Variants in PRELID2 observed in about 807,000 individuals in gnomAD.
The protein encoded by PRELID2 is PRELI domain containing 2, also known as PRELI domain-containing protein 2.
A neutral mutation model predicts 28.4 loss-of-function variants in PRELID2; 25 were observed. The observed-to-expected ratio is 0.88, with a 90% CI of 0.64 to 1.23. The LOEUF (loss-of-function observed/expected upper bound fraction) is 1.23, where lower values mean the gene tolerates loss of function less well. PRELID2 is among the 50% of genes most tolerant of loss of function. The pLI is 0.00. For synonymous variants in PRELID2, 76 were observed against 71.6 expected, an observed-to-expected ratio of 1.06 and a Z score of -0.31; for missense variants, 201 against 214.4, an observed-to-expected ratio of 0.94 and a Z score of 0.39.
chr5:145,783,850 TGGAA>T lies in PRELID2; in HGVS notation c.474+12588_474+12591del, dbSNP rs201580589. ...GGTTTTATGCTCTTTTCCTCTGTCT[TGGAA>T]TTACTGAATTTTGAAATATCCACTG... On this transcript the variant is annotated intron_variant, in intron 5 of 6. Transcript: ENST00000683046. 6.9e-3 allele frequency among the ~76,000 whole-genome samples: 1,050 copies of T among 152,364 alleles called. 9 individuals are homozygous for T. The highest frequency in any genetic ancestry group is 0.015 in the Admixed American group (225 of 15,302).
the PRELID2 span, among the ~76,000 whole-genome samples, chr5:145,399,298 C>A: frequency 6.6e-6 from 1 of 152,058 alleles, no homozygotes; most frequent in African/African-American, 2.4e-5. Flanking sequence ...ATCAAAGCCA[C>A]TCCTGGTTAA....
intron 1 of PRELID2, among the ~76,000 whole-genome samples, chr5:145,725,380 T>C (rs1177364243): frequency 1.3e-5 from 2 of 152,184 alleles, no homozygotes; most frequent in African/African-American, 4.8e-5. Context: ...CTTTAAGCAT[T>C]GCTAACAGGT....
At chr5:145,342,976 T>C in the PRELID2 span, among the ~76,000 whole-genome samples, 2 of 151,522 alleles carry the variant, frequency 1.3e-5, no homozygotes, top group East Asian at 1.9e-4. Context: ...TAAAACAATT[T>C]TTAATATACA....
At chr5:145,830,810 G>C (rs1455979286) in intron 1 of PRELID2, among the ~76,000 whole-genome samples, 1 of 152,138 alleles carries the variant, frequency 6.6e-6, no homozygotes, top group Non-Finnish European at 1.5e-5. Flanking sequence ...CTAATATTTT[G>C]CCTGTGGTAT....
At chr5:145,532,044 G>A (rs1752658509) in intron 1 of PRELID2, among the ~76,000 whole-genome samples, 2 of 152,082 alleles carry the variant, frequency 1.3e-5, no homozygotes, top group Non-Finnish European at 2.9e-5. Context: ...ATAATGTCTG[G>A]CTTGTAGTAA....
the PRELID2 span, among the ~76,000 whole-genome samples, chr5:145,231,718 C>G: frequency 6.6e-6 from 1 of 152,038 alleles, no homozygotes; most frequent in Admixed American, 6.6e-5. Flanking sequence ...CTCTGCTAAG[C>G]TGAAATCAGT....
chr5:145,242,972 T>G, the PRELID2 span, among the ~76,000 whole-genome samples: 1 of 152,164 alleles, frequency 6.6e-6, no homozygotes, highest in African/African-American at 2.4e-5. Context: ...TTTTCATTAT[T>G]CTATTTGAAG....
intron 1 of PRELID2, among the ~76,000 whole-genome samples, chr5:145,744,768 A>G (rs553423948): frequency 6.6e-6 from 1 of 152,300 alleles, no homozygotes; most frequent in Non-Finnish European, 1.5e-5. Flanking sequence ...TCAACAAAAA[A>G]ACACCAAAAA....
intron 1 of PRELID2, among the ~76,000 whole-genome samples, chr5:145,500,748 G>A (rs1258650436): frequency 6.6e-6 from 1 of 152,164 alleles, no homozygotes; most frequent in Non-Finnish European, 1.5e-5. Flanking sequence ...AGCATGGATT[G>A]TGTTAAGTTT....
chr5:145,367,812 T>C, the PRELID2 span, among the ~76,000 whole-genome samples: 1 of 151,742 alleles, frequency 6.6e-6, no homozygotes, highest in Non-Finnish European at 1.5e-5. Flanking sequence ...TAATATTTCA[T>C]TGTCTGGATG....
intron 1 of PRELID2, among the ~76,000 whole-genome samples, chr5:145,555,489 A>G (rs1346450154): frequency 6.6e-6 from 1 of 152,194 alleles, no homozygotes; most frequent in African/African-American, 2.4e-5. Context: ...AAGTAGTTTT[A>G]CTACAGTTGA....
At chr5:145,672,510 A>AC (rs937412150) in intron 1 of PRELID2, among the ~76,000 whole-genome samples, 6 of 151,962 alleles carry the variant, frequency 3.9e-5, no homozygotes, top group African/African-American at 1.5e-4. Flanking sequence ...TGAAAAAAAA[A>AC]AAAAAACAGC....
intron 1 of PRELID2, among the ~76,000 whole-genome samples, chr5:145,629,350 T>C (rs912634464): frequency 6.6e-6 from 1 of 152,210 alleles, no homozygotes; most frequent in Admixed American, 6.5e-5. Context: ...AAGTCCTTTT[T>C]CTTTTCAAGG....
intron 1 of PRELID2, among the ~76,000 whole-genome samples, chr5:145,570,792 C>T (rs1437726357): frequency 6.6e-6 from 1 of 152,190 alleles, no homozygotes; most frequent in Non-Finnish European, 1.5e-5. Context: ...ATGTAACACA[C>T]AATTCTTTTA....
intron 1 of PRELID2, among the ~76,000 whole-genome samples, chr5:145,519,304 C>A (rs1752544345): frequency 6.6e-6 from 1 of 152,084 alleles, no homozygotes; most frequent in African/African-American, 2.4e-5. Context: ...TGAAGGTAAC[C>A]TTTAGGATGT....
chr5:145,361,561 G>C, the PRELID2 span, among the ~76,000 whole-genome samples: 77 of 152,100 alleles, frequency 5.1e-4, no homozygotes, highest in African/African-American at 1.8e-3. Flanking sequence ...GGTATGTAAA[G>C]GGCCACAAAA....
At chr5:145,456,412 C>T in the PRELID2 span, among the ~76,000 whole-genome samples, 1 of 152,134 alleles carries the variant, frequency 6.6e-6, no homozygotes, top group South Asian at 2.1e-4. Context: ...ACTTTAGAGC[C>T]TCTGGATAGC....
chr5:145,256,593 T>C, the PRELID2 span, among the ~76,000 whole-genome samples: 1 of 151,970 alleles, frequency 6.6e-6, no homozygotes, highest in Non-Finnish European at 1.5e-5. Flanking sequence ...GGAGGGGACA[T>C]TATTCTGCCT....
intron 1 of PRELID2, among the ~76,000 whole-genome samples, chr5:145,533,396 G>T (rs1752672086): frequency 6.6e-6 from 1 of 152,042 alleles, no homozygotes; most frequent in Non-Finnish European, 1.5e-5. Flanking sequence ...ATAATAATTG[G>T]GATAGCATGA....
Sources: allele counts gnomAD v4.1 joint callset (sites outside exome capture counted in the v4.1 genomes callset), GRCh38; gene constraint gnomAD v4.1.1; transcripts MANE v1.5; gene names NCBI Gene and HGNC (gene_info 2026-07-23, HGNC 2026-07-21).